USH2A: variants seen among roughly 807,000 people sequenced by gnomAD.
The protein encoded by USH2A is usherin, also known as Usher syndrome 2A (autosomal recessive, mild).
In USH2A, 443 loss-of-function variants were observed where a neutral mutation model predicts 538.9. The observed-to-expected ratio is 0.82, with a 90% CI of 0.76 to 0.89. The LOEUF (loss-of-function observed/expected upper bound fraction) is 0.89, where lower values mean the gene tolerates loss of function less well. USH2A is among the 40% of genes least tolerant of loss of function. USH2A has a pLI of 0.00. For missense variants in USH2A, 6,633 were observed against 6,324.8 expected (o/e 1.05, Z -1.65); for synonymous variants, 2,413 against 2,273.5 (o/e 1.06, Z -1.75).
intron 21 of USH2A, among the ~76,000 whole-genome samples, chr1:216,171,933 T>G (rs932846578): frequency 2.6e-5 from 4 of 152,170 alleles, no homozygotes; most frequent in African/African-American, 7.2e-5. Flanking sequence ...ACATTCTTCC[T>G]GAAGATTAGA....
In USH2A at chr1:215,625,852, G is replaced by T. The variant is rs889960259; in HGVS notation, c.15538C>A (p.Leu5180Met). 6.2e-6 allele frequency: 10 copies of T among 1,613,888 alleles called. No homozygotes were observed. Among genetic ancestry groups the T allele is most frequent in the Non-Finnish European group, 8.5e-6 (10 of 1,179,954 alleles). The change falls in exon 72 of 72, where the codon CTG becomes ATG. Residue 5180 changes from leucine to methionine, a missense_variant. By Grantham distance (15) the Leu-to-Met change is conservative. Transcript: ENST00000307340. ...CTGAAATCCTTGATGGCGTTCATCA[G>T]GTCCTCTTCATCCACATACTGAAAA... is the stretch of plus-strand genomic sequence containing the variant. ...NSGLYVDEED[L>M]MNAIKDFSSV...
chr1:216,115,542 A>T (rs2032986835), intron 21 of USH2A, among the ~76,000 whole-genome samples: 2 of 152,334 alleles, frequency 1.3e-5, no homozygotes, highest in African/African-American at 2.4e-5. Flanking sequence ...TCAGTGTATT[A>T]TTAAAAAGTA....
chr1:215,784,221 G>A (rs554973899), intron 52 of USH2A, among the ~76,000 whole-genome samples: 43 of 152,206 alleles, frequency 2.8e-4, no homozygotes, highest in African/African-American at 1.0e-3. Flanking sequence ...ATACTTGAAG[G>A]AGTATAGAAA....
chr1:215,762,919 T>C (rs1661021376), intron 56 of USH2A, among the ~76,000 whole-genome samples: 1 of 152,126 alleles, frequency 6.6e-6, no homozygotes, highest in Non-Finnish European at 1.5e-5. Context: ...AAGTAGAACA[T>C]GTCTACTGTA....
At chr1:216,290,135 T>A (rs995260688) in intron 10 of USH2A, among the ~76,000 whole-genome samples, 1 of 152,130 alleles carries the variant, frequency 6.6e-6, no homozygotes, top group Non-Finnish European at 1.5e-5. Flanking sequence ...GACTAGTGTA[T>A]AAGATAATTG....
At chr1:216,206,682 G>T (rs2035119206) in intron 16 of USH2A, among the ~76,000 whole-genome samples, 2 of 152,068 alleles carry the variant, frequency 1.3e-5, no homozygotes, top group African/African-American at 4.8e-5. Flanking sequence ...GTGAACTAAG[G>T]TATCAGTTTA....
At chr1:215,965,117 A>G (rs1256497721) in intron 37 of USH2A, among the ~76,000 whole-genome samples, 200 bp downstream of exon 37, 1 of 152,162 alleles carries the variant, frequency 6.6e-6, no homozygotes, top group Non-Finnish European at 1.5e-5. Context: ...AGCGTTCATC[A>G]GATGTGGCTG....
intron 68 of USH2A, among the ~76,000 whole-genome samples, chr1:215,639,495 C>A (rs1243888063): frequency 6.6e-6 from 1 of 152,182 alleles, no homozygotes; most frequent in African/African-American, 2.4e-5. Flanking sequence ...AAAAGAACAT[C>A]AGACGAGTAA....
intron 52 of USH2A, among the ~76,000 whole-genome samples, chr1:215,783,187 T>C (rs1160782834): frequency 6.6e-6 from 1 of 152,058 alleles, no homozygotes; most frequent in Non-Finnish European, 1.5e-5. Flanking sequence ...GAGGGATATA[T>C]TAAATAAATG....
At chr1:215,934,157 C>T (rs1327768609) in intron 38 of USH2A, among the ~76,000 whole-genome samples, 2 of 151,972 alleles carry the variant, frequency 1.3e-5, no homozygotes, top group Non-Finnish European at 2.9e-5. Context: ...ATCATCTGCA[C>T]CCTGCCCTTT....
At chr1:215,965,510 G>A in intron 36 of USH2A, 31 bp from the exon 37 acceptor site, 1 of 1,611,088 alleles carries the variant, frequency 6.2e-7, no homozygotes. Flanking sequence ...ATTTTTGTTT[G>A]CAAATAAAAT....
intron 9 of USH2A, 29 bp downstream of exon 9, chr1:216,321,854 T>C: frequency 6.3e-7 from 1 of 1,586,600 alleles, no homozygotes; most frequent in Non-Finnish European, 8.7e-7. Flanking sequence ...ATTTTTTTTT[T>C]AGATTTCCAT....
At chr1:216,179,195 C>T (rs1017551762) in intron 20 of USH2A, among the ~76,000 whole-genome samples, 23 of 152,018 alleles carry the variant, frequency 1.5e-4, no homozygotes, top group African/African-American at 3.4e-4. Flanking sequence ...CCAAAAATTA[C>T]GTCTTAAACA....
chr1:216,012,888 A>G (rs1415510037), intron 32 of USH2A, among the ~76,000 whole-genome samples: 1 of 152,058 alleles, frequency 6.6e-6, no homozygotes, highest in Non-Finnish European at 1.5e-5. Flanking sequence ...CCCCAAAAAA[A>G]CTTGTCATCC....
rs77800823 is a variant in USH2A at position 215,980,091 on chromosome 1, T to C, written c.6806-9315A>G. Among the ~76,000 whole-genome samples, 50 of 152,314 alleles carry C rather than the reference T, an allele frequency of 3.3e-4. No homozygotes were observed. The East Asian group carries it at 8.5e-3, about 26-fold the overall frequency. On this transcript the variant is annotated intron_variant, in intron 35 of 71. Transcript: ENST00000307340. Reference sequence around the variant, plus strand: ...TGTAATTATCTCAAAATAAAATATTTAAATTAAAAAATACTGTTGTGCAGG... The same window carrying C: ...TGTAATTATCTCAAAATAAAATATTCAAATTAAAAAATACTGTTGTGCAGG...
At chr1:216,211,258 A>G (rs1465309927) in intron 15 of USH2A, among the ~76,000 whole-genome samples, 3 of 152,162 alleles carry the variant, frequency 2.0e-5, no homozygotes, top group African/African-American at 4.8e-5. Context: ...GCCCCAATTT[A>G]TAGCCAGTGG....
chr1:216,418,947 A>C (rs1338616613), intron 2 of USH2A, among the ~76,000 whole-genome samples: 1 of 152,130 alleles, frequency 6.6e-6, no homozygotes, highest in Non-Finnish European at 1.5e-5. Flanking sequence ...ATGGAAACTA[A>C]AGTGGTTGAA....
At chr1:216,296,149 A>AAAAAATAATAAGAATG (rs1343636642) in intron 9 of USH2A, among the ~76,000 whole-genome samples, 1 of 152,062 alleles carries the variant, frequency 6.6e-6, no homozygotes. Context: ...CAAAAAGGAG[A>AAAAAATAATAAGAATG]AAAAATAATA....
chr1:215,949,673 A>G (rs1265918396), intron 37 of USH2A, among the ~76,000 whole-genome samples: 3 of 152,136 alleles, frequency 2.0e-5, no homozygotes, highest in African/African-American at 7.2e-5. Context: ...AAAGCAACAT[A>G]TGTTTCAACT....
Sources: gnomAD v4.1 joint callset for allele counts (sites outside exome capture counted in the v4.1 genomes callset) on GRCh38, gnomAD v4.1.1 for gene constraint, MANE v1.5 for transcripts, NCBI Gene and HGNC (gene_info 2026-07-23, HGNC 2026-07-21) for gene names.